The following PCDH15 variants were observed in gnomAD, a reference collection of about 807,000 sequenced individuals.
The protein encoded by PCDH15 is protocadherin-15.
In PCDH15, 129 loss-of-function variants were observed where a neutral mutation model predicts 178.5. The ratio of observed to expected loss-of-function variants is 0.72; its 90% CI spans 0.63 to 0.84. The LOEUF (loss-of-function observed/expected upper bound fraction) is 0.84, where lower values mean the gene tolerates loss of function less well. Ranked by LOEUF, PCDH15 falls within the 40% of genes least tolerant of loss-of-function variation. The probability of loss-of-function intolerance (pLI) is 0.00; values close to 1 mark genes in which losing one functional copy is unlikely to be tolerated. For synonymous variants in PCDH15, 800 were observed against 732.0 expected (o/e 1.09, Z -1.50); for missense variants, 2,230 against 2,099.9 (o/e 1.06, Z -1.21).
intron 20 of PCDH15, among the ~76,000 whole-genome samples, chr10:54,019,326 A>G (rs1054103562): frequency 5.3e-5 from 8 of 152,038 alleles, no homozygotes; most frequent in Admixed American, 3.3e-4. Flanking sequence ...TAACTTGAGG[A>G]TTTTTGTATA....
At chr10:53,915,687 G>A (rs983825991) in intron 25 of PCDH15, among the ~76,000 whole-genome samples, 1 of 152,088 alleles carries the variant, frequency 6.6e-6, no homozygotes, top group African/African-American at 2.4e-5. Context: ...AGCCTCCCGA[G>A]TAGCTAGGAT....
At chr10:54,986,679 C>G (rs886716416) in intron 2 of PCDH15, among the ~76,000 whole-genome samples, 4 of 152,098 alleles carry the variant, frequency 2.6e-5, no homozygotes, top group African/African-American at 9.7e-5. Flanking sequence ...AATTTTTAAG[C>G]CAAGCTATTA....
At chr10:55,243,801 C>T (rs531571618) in intron 1 of PCDH15, among the ~76,000 whole-genome samples, 1 of 152,094 alleles carries the variant, frequency 6.6e-6, no homozygotes, top group Non-Finnish European at 1.5e-5. Context: ...AATCACTGAA[C>T]ATTGGGCATG....
chr10:55,411,459 AC>A (rs1838328595), intron 2 of PCDH15, among the ~76,000 whole-genome samples: 1 of 152,082 alleles, frequency 6.6e-6, no homozygotes, highest in East Asian at 1.9e-4. Flanking sequence ...TACTATTACT[AC>A]TACTTGGGTA....
At chr10:55,298,691 C>T (rs1279139603) in intron 1 of PCDH15, among the ~76,000 whole-genome samples, 2 of 152,040 alleles carry the variant, frequency 1.3e-5, no homozygotes, top group African/African-American at 4.8e-5. Flanking sequence ...AGTGATTCTC[C>T]TGCCTCCACC....
intron 3 of PCDH15, among the ~76,000 whole-genome samples, chr10:54,410,726 T>C (rs1953366634): frequency 6.6e-6 from 1 of 151,994 alleles, no homozygotes; most frequent in East Asian, 1.9e-4. Flanking sequence ...AATAAGATGA[T>C]TATATTTATT....
At chr10:55,619,767 C>T (rs979122380) in intron 2 of PCDH15, among the ~76,000 whole-genome samples, 1 of 151,904 alleles carries the variant, frequency 6.6e-6, no homozygotes, top group Non-Finnish European at 1.5e-5. Context: ...AAAAATATAG[C>T]TTTCCAGATG....
intron 3 of PCDH15, among the ~76,000 whole-genome samples, chr10:54,434,194 T>G (rs1217951408): frequency 6.6e-6 from 1 of 152,180 alleles, no homozygotes; most frequent in Admixed American, 6.5e-5. Context: ...GTCAACAAGT[T>G]AAATAAAAGT....
Position 53,840,602 on chromosome 10 carries a change from C to T in PCDH15, c.3807-106G>A, listed in dbSNP as rs541427646. 8.0e-5 allele frequency: 88 copies of T among 1,094,640 alleles called. No homozygotes were observed. In the African/African-American group the frequency reaches 1.2e-3, roughly 16 times the overall value. 67.8% of individuals were successfully genotyped at this position (1,094,640 alleles called of 1,614,324 possible). On this transcript the variant is annotated intron_variant, in intron 28 of 37. Coordinates refer to ENST00000644397, the MANE Select transcript of PCDH15 (RefSeq NM_001384140.1). Reference sequence around the variant, plus strand: ...TTTAGTAAATGAAAAATGATGACAGCCTAGTTTTTTGTTAATGTTTACTGA... The same window carrying T: ...TTTAGTAAATGAAAAATGATGACAGTCTAGTTTTTTGTTAATGTTTACTGA...
At chr10:55,171,273 A>C (rs1839325197) in intron 1 of PCDH15, among the ~76,000 whole-genome samples, 1 of 152,182 alleles carries the variant, frequency 6.6e-6, no homozygotes, top group South Asian at 2.1e-4. Context: ...CAGCTCTTCT[A>C]CTCTGTATAA....
chr10:55,251,862 C>T (rs1467240389), intron 1 of PCDH15, among the ~76,000 whole-genome samples: 1 of 151,986 alleles, frequency 6.6e-6, no homozygotes. Flanking sequence ...TAGGACAGAT[C>T]CGCTAATTGA....
In PCDH15 at chr10:53,840,490, C is replaced by G. The variant is rs937214642; in HGVS notation, c.3813G>C (p.Leu1271Phe). ...EKKIEDLTEI[L>F]DRYVQEQIPG... ...GAATTTGTTCCTGAACATAGCGATC[C>G]AAGATCCTATAAATCAAACAAAGTA... is the stretch of plus-strand genomic sequence containing the variant. Residue 1271 changes from leucine to phenylalanine, a missense_variant, in exon 29 of 38, where the codon TTG (leucine) becomes TTC (phenylalanine). Physicochemically the swap from Leu to Phe is conservative, Grantham distance 22. Coordinates refer to ENST00000644397, the MANE Select transcript of PCDH15 (RefSeq NM_001384140.1). 3.7e-6 allele frequency: 6 copies of G among 1,613,558 alleles called. No homozygotes were observed. Among genetic ancestry groups the G allele is most frequent in the East Asian group, 4.5e-5 (2 of 44,856 alleles).
chr10:54,159,245 C>T (rs2045470787), intron 13 of PCDH15, among the ~76,000 whole-genome samples: 1 of 151,932 alleles, frequency 6.6e-6, no homozygotes, highest in Non-Finnish European at 1.5e-5. Flanking sequence ...GAGCAATTGG[C>T]AAAAAAACAT....
intron 18 of PCDH15, among the ~76,000 whole-genome samples, chr10:54,024,536 T>G (rs2093024360): frequency 6.6e-6 from 1 of 152,176 alleles, no homozygotes; most frequent in African/African-American, 2.4e-5. Context: ...GTCTAAGATG[T>G]GAAAATCATG....
intron 2 of PCDH15, among the ~76,000 whole-genome samples, chr10:55,486,096 G>A (rs1007743164): frequency 6.6e-6 from 1 of 151,644 alleles, no homozygotes; most frequent in Middle Eastern, 3.2e-3. Flanking sequence ...CTCTAGTTAT[G>A]CCCCATTTAT....
intron 2 of PCDH15, among the ~76,000 whole-genome samples, chr10:55,015,247 T>G (rs1355270665): frequency 2.0e-5 from 3 of 152,092 alleles, no homozygotes; most frequent in Non-Finnish European, 4.4e-5. Flanking sequence ...TAATATAAAT[T>G]TAAAATCTAG....
chr10:54,632,926 A>T (rs2134728725), intron 2 of PCDH15, among the ~76,000 whole-genome samples: 1 of 152,276 alleles, frequency 6.6e-6, no homozygotes, highest in South Asian at 2.1e-4. Context: ...GTCAACAAGG[A>T]TAGGTAAGAG....
intron 2 of PCDH15, among the ~76,000 whole-genome samples, chr10:55,378,138 C>CA (rs1837444339): frequency 6.6e-6 from 1 of 152,038 alleles, no homozygotes; most frequent in Admixed American, 6.6e-5. Context: ...AGCAGACCAC[C>CA]ATGGCACGTT....
intron 2 of PCDH15, among the ~76,000 whole-genome samples, chr10:54,980,335 CT>C (rs1399012871): frequency 5.3e-5 from 8 of 151,982 alleles, no homozygotes; most frequent in African/African-American, 1.7e-4. Context: ...TTCAATTCAT[CT>C]AATGAAAAGA....
Sources: allele counts gnomAD v4.1 joint callset (sites outside exome capture counted in the v4.1 genomes callset), GRCh38; gene constraint gnomAD v4.1.1; transcripts MANE v1.5; gene names NCBI Gene and HGNC (gene_info 2026-07-23, HGNC 2026-07-21).